CTNNA3: variants seen among roughly 807,000 people sequenced by gnomAD.
CTNNA3 encodes catenin alpha 3.
A neutral mutation model predicts 95.7 loss-of-function variants in CTNNA3; 76 were observed. The ratio of observed to expected loss-of-function variants is 0.79; its 90% CI spans 0.66 to 0.96. CTNNA3 has a LOEUF of 0.96. Ranked by LOEUF, CTNNA3 falls within the 40% of genes least tolerant of loss-of-function variation. CTNNA3 has a pLI of 0.00. For synonymous variants in CTNNA3, 431 were observed against 374.4 expected, an observed-to-expected ratio of 1.15 and a Z score of -1.74; for missense variants, 1,191 against 1,089.8, an observed-to-expected ratio of 1.09 and a Z score of -1.31.
chr10:67,337,818 G>C (rs533892307), intron 5 of CTNNA3, among the ~76,000 whole-genome samples: 1 of 152,276 alleles, frequency 6.6e-6, no homozygotes, highest in African/African-American at 2.4e-5. Flanking sequence ...TAGCAATAAA[G>C]TATTTTTAAA....
chr10:67,147,012 G>T (rs1001200045), intron 7 of CTNNA3, among the ~76,000 whole-genome samples: 4 of 152,148 alleles, frequency 2.6e-5, no homozygotes, highest in Non-Finnish European at 5.9e-5. Context: ...GCAGGTTTGT[G>T]TAAGTCCCCT....
chr10:67,599,140 T>C (rs888581157), intron 3 of CTNNA3, among the ~76,000 whole-genome samples: 19 of 152,144 alleles, frequency 1.2e-4, no homozygotes, highest in African/African-American at 3.9e-4. Flanking sequence ...GAATTCTCTG[T>C]AAGAATAAAA....
At chr10:66,708,772 T>C (rs1848201229) in intron 9 of CTNNA3, among the ~76,000 whole-genome samples, 2 of 152,130 alleles carry the variant, frequency 1.3e-5, no homozygotes, top group Admixed American at 1.3e-4. Flanking sequence ...CTGAAATCCC[T>C]CGTAAGGTTG....
At chr10:66,933,091 T>C (rs1847499616) in intron 7 of CTNNA3, among the ~76,000 whole-genome samples, 1 of 152,212 alleles carries the variant, frequency 6.6e-6, no homozygotes, top group African/African-American at 2.4e-5. Context: ...GGCAACTACC[T>C]CTTCTTTTCA....
chr10:66,114,473 T>C lies in CTNNA3; in HGVS notation c.1885-11224A>G, dbSNP rs558289198. ...ATGTATATATGTGTATATATGTGCG[T>C]ATATGTATATATGTGTATATATGTG... On this transcript the variant is annotated intron_variant, in intron 13 of 17. Coordinates refer to ENST00000433211, the MANE Select transcript of CTNNA3 (RefSeq NM_013266.4). 9.3e-5 allele frequency among the ~76,000 whole-genome samples: 14 copies of C among 150,260 alleles called. No individual in the cohort carries two copies. The South Asian group carries it at 2.8e-3, about 30-fold the overall frequency.
At position 66,514,595 on chromosome 10, in the gene CTNNA3, TG is replaced by T. The variant is rs1214731796; in HGVS notation, c.1531+6021del. Among the ~76,000 whole-genome samples, 5 of 152,118 alleles carry T rather than the reference TG, an allele frequency of 3.3e-5. No individual in the cohort carries two copies. In the East Asian group the frequency reaches 9.6e-4, roughly 29 times the overall value. ...TCAATCGCTTCCACCAATCCTCATT[TG>T]ATCTCCACCACCACAGTTCTTTTGC... On this transcript the variant is annotated intron_variant, in intron 11 of 17. Transcript: ENST00000433211.
intron 11 of CTNNA3, among the ~76,000 whole-genome samples, chr10:66,428,208 C>T (rs2093260373): frequency 6.6e-6 from 1 of 152,078 alleles, no homozygotes; most frequent in East Asian, 1.9e-4. Flanking sequence ...GCTAACTATC[C>T]TAAATATATA....
At chr10:67,530,824 G>A (rs1840301678) in intron 4 of CTNNA3, among the ~76,000 whole-genome samples, 2 of 152,202 alleles carry the variant, frequency 1.3e-5, no homozygotes. Context: ...AGAGGAAAAA[G>A]CAGTTTCATG....
At chr10:66,363,694 A>T (rs2092692611) in intron 12 of CTNNA3, among the ~76,000 whole-genome samples, 1 of 152,240 alleles carries the variant, frequency 6.6e-6, no homozygotes, top group Admixed American at 6.5e-5. Flanking sequence ...AACAAAATAC[A>T]AATCTCAGTA....
chr10:66,765,474 C>A (rs1438419940), intron 9 of CTNNA3, among the ~76,000 whole-genome samples: 1 of 152,074 alleles, frequency 6.6e-6, no homozygotes, highest in Non-Finnish European at 1.5e-5. Context: ...GAGTATGAGC[C>A]ATACTGAATA....
At position 66,360,808 on chromosome 10, in the gene CTNNA3, C is replaced by CTTTCTTTCTTT. The variant is rs2092662807; in HGVS notation, c.1732+18343_1732+18344insAAAGAAAGAAA. Among the ~76,000 whole-genome samples the CTTTCTTTCTTT allele has an allele frequency of 1.6e-4, 10 of 61,760 alleles. No homozygotes were observed. The East Asian group carries it at 1.7e-3, about 11-fold the overall frequency. The allele number at this position is 61,760 out of a possible 152,430, so 40.5% of individuals were successfully genotyped here. On this transcript the variant is annotated intron_variant, in intron 12 of 17. Transcript: ENST00000433211. ...TTCTTCCTTCCTTCCTTCCTTCCTT[C>CTTTCTTTCTTT]CTTCCTTCCTTTCTTTCTTTCTTTC... is the stretch of plus-strand genomic sequence containing the variant.
At chr10:66,753,654 C>T (rs1839251142) in intron 9 of CTNNA3, among the ~76,000 whole-genome samples, 3 of 150,170 alleles carry the variant, frequency 2.0e-5, no homozygotes, top group Non-Finnish European at 4.4e-5. Context: ...AAGAATGAAA[C>T]TCCATCTCAA....
chr10:67,040,335 G>T (rs1374409144), intron 7 of CTNNA3, among the ~76,000 whole-genome samples: 1 of 152,028 alleles, frequency 6.6e-6, no homozygotes, highest in African/African-American at 2.4e-5. Context: ...ATTTTGTGAT[G>T]GAGAGAGAAC....
intron 7 of CTNNA3, among the ~76,000 whole-genome samples, chr10:67,029,116 G>GTCT (rs1853569516): frequency 6.6e-6 from 1 of 152,094 alleles, no homozygotes; most frequent in Non-Finnish European, 1.5e-5. Context: ...CTTTCTTTAT[G>GTCT]TCTCTCTACT....
intron 5 of CTNNA3, among the ~76,000 whole-genome samples, chr10:67,226,274 A>G (rs1049813808): frequency 6.6e-6 from 1 of 152,234 alleles, no homozygotes; most frequent in Non-Finnish European, 1.5e-5. Context: ...GGAAGGGGAG[A>G]ATCCTAAAAC....
intron 11 of CTNNA3, among the ~76,000 whole-genome samples, chr10:66,472,959 T>G (rs1377904663): frequency 6.6e-6 from 1 of 151,940 alleles, no homozygotes; most frequent in Non-Finnish European, 1.5e-5. Context: ...AAAATGACAT[T>G]GGTAGAAAAG....
chr10:67,298,563 T>G (rs61866885), intron 5 of CTNNA3, among the ~76,000 whole-genome samples: 17,288 of 152,258 alleles, frequency 0.11, 1,289 homozygotes, highest in Middle Eastern at 0.2. Context: ...CGCTAACAAT[T>G]TAATAGTATA....
At chr10:67,027,292 T>C (rs1207982891) in intron 7 of CTNNA3, among the ~76,000 whole-genome samples, 3 of 152,176 alleles carry the variant, frequency 2.0e-5, no homozygotes, top group Non-Finnish European at 4.4e-5. Flanking sequence ...ATTCCCCTCG[T>C]GGAACTCACT....
At chr10:67,135,309 T>A (rs925540667) in intron 7 of CTNNA3, among the ~76,000 whole-genome samples, 1 of 152,104 alleles carries the variant, frequency 6.6e-6, no homozygotes, top group Non-Finnish European at 1.5e-5. Context: ...CAGCTGAGCA[T>A]AATCCCCGCT....
Sources: allele counts gnomAD v4.1 joint callset (sites outside exome capture counted in the v4.1 genomes callset), GRCh38; gene constraint gnomAD v4.1.1; transcripts MANE v1.5; gene names NCBI Gene and HGNC (gene_info 2026-07-23, HGNC 2026-07-21).